Variants in HMGCLL1 observed in about 807,000 individuals in gnomAD.
HMGCLL1 encodes the protein 3-hydroxymethyl-3-methylglutaryl-CoA lyase, cytoplasmic.
In HMGCLL1, 36 loss-of-function variants were observed where a neutral mutation model predicts 39.1. The observed-to-expected ratio is 0.92, with a 90% confidence interval of 0.71 to 1.22. The LOEUF (loss-of-function observed/expected upper bound fraction) is 1.22, where lower values mean the gene tolerates loss of function less well. HMGCLL1 is among the 50% of genes most tolerant of loss of function. The pLI is 0.00. For synonymous variants in HMGCLL1, 149 were observed against 144.0 expected, an observed-to-expected ratio of 1.03 and a Z score of -0.25; for missense variants, 451 against 416.5, an observed-to-expected ratio of 1.08 and a Z score of -0.72.
the HMGCLL1 span, among the ~76,000 whole-genome samples, chr6:55,595,425 A>G: frequency 6.6e-6 from 1 of 152,222 alleles, no homozygotes; most frequent in Non-Finnish European, 1.5e-5. Context: ...ACATATATTT[A>G]TTACATTACC....
At chr6:55,493,084 A>G (rs1335549218) in intron 7 of HMGCLL1, among the ~76,000 whole-genome samples, 2 of 150,306 alleles carry the variant, frequency 1.3e-5, no homozygotes. Context: ...ATTACAATAT[A>G]TGTATATATT....
intron 1 of HMGCLL1, among the ~76,000 whole-genome samples, chr6:55,557,463 AC>A (rs1352076652): frequency 6.6e-6 from 1 of 151,894 alleles, no homozygotes; most frequent in East Asian, 1.9e-4. Context: ...CTGACCCCTC[AC>A]TTGGCTTCGC....
At chr6:55,631,126 A>T in the HMGCLL1 span, among the ~76,000 whole-genome samples, 4 of 152,002 alleles carry the variant, frequency 2.6e-5, no homozygotes, top group Non-Finnish European at 4.4e-5. Context: ...CTTGAATATT[A>T]ATACCTCTCT....
At chr6:55,627,859 A>AGTTAATACTTAC in the HMGCLL1 span, among the ~76,000 whole-genome samples, 68 of 90,088 alleles carry the variant, frequency 7.5e-4, 1 homozygote, top group African/African-American at 2.6e-3. Context: ...TGATCATGTA[A>AGTTAATACTTAC]GTTAATACTT....
intron 1 of HMGCLL1, among the ~76,000 whole-genome samples, chr6:55,568,690 G>T (rs1771330596): frequency 6.6e-6 from 1 of 152,102 alleles, no homozygotes; most frequent in Admixed American, 6.6e-5. Context: ...GCTTTAAGCA[G>T]GCTGGACAAT....
chr6:55,516,406 T>C (rs1225006911), intron 4 of HMGCLL1, 102 bp downstream of exon 4: 1 of 659,904 alleles, frequency 1.5e-6, no homozygotes, highest in Non-Finnish European at 2.6e-6. Flanking sequence ...AGCATAGTAT[T>C]TGTATTACAG....
the HMGCLL1 span, among the ~76,000 whole-genome samples, chr6:55,671,467 T>C: frequency 6.6e-6 from 1 of 151,954 alleles, no homozygotes; most frequent in South Asian, 2.1e-4. Context: ...ACAAGACTTT[T>C]TACATGAAGC....
At chr6:55,501,603 A>G (rs879625233) in intron 5 of HMGCLL1, among the ~76,000 whole-genome samples, 2 of 151,884 alleles carry the variant, frequency 1.3e-5, no homozygotes, top group African/African-American at 4.8e-5. Flanking sequence ...CCAACAATCT[A>G]TTACAGTGGT....
intron 7 of HMGCLL1, among the ~76,000 whole-genome samples, chr6:55,475,420 TA>T (rs751236461): frequency 6.6e-6 from 1 of 151,572 alleles, no homozygotes. Flanking sequence ...TTGTCAAAAT[TA>T]GGCAGTTAAG....
the HMGCLL1 span, among the ~76,000 whole-genome samples, chr6:55,651,003 G>A: frequency 6.6e-6 from 1 of 152,058 alleles, no homozygotes; most frequent in Admixed American, 6.6e-5. Flanking sequence ...TGGACTTGGG[G>A]ACCCTAAGAG....
the HMGCLL1 span, among the ~76,000 whole-genome samples, chr6:55,639,829 A>G: frequency 1.3e-5 from 2 of 152,086 alleles, no homozygotes; most frequent in Admixed American, 1.3e-4. Context: ...CTGTAATCCC[A>G]ACACTTTAGG....
intron 7 of HMGCLL1, among the ~76,000 whole-genome samples, chr6:55,492,387 G>C (rs1766360043): frequency 6.6e-6 from 1 of 152,132 alleles, no homozygotes; most frequent in African/African-American, 2.4e-5. Flanking sequence ...TTGGAAGAGG[G>C]GTAAGAAGAG....
chr6:55,539,090 T>C (rs1356561325), intron 3 of HMGCLL1, among the ~76,000 whole-genome samples: 1 of 152,058 alleles, frequency 6.6e-6, no homozygotes, highest in African/African-American at 2.4e-5. Flanking sequence ...ACAGGTAAAG[T>C]GCTATATGGA....
At chr6:55,520,810 T>C (rs1767998933) in intron 3 of HMGCLL1, among the ~76,000 whole-genome samples, 1 of 152,074 alleles carries the variant, frequency 6.6e-6, no homozygotes. Flanking sequence ...CCTCATGATT[T>C]GGTTAGTAAC....
At chr6:55,446,372 A>G (rs1763841187) in intron 7 of HMGCLL1, among the ~76,000 whole-genome samples, 1 of 150,994 alleles carries the variant, frequency 6.6e-6, no homozygotes, top group African/African-American at 2.4e-5. Context: ...CTAAGGACTG[A>G]GATGTCCTTG....
At chr6:55,526,146 C>T (rs1768308763) in intron 3 of HMGCLL1, among the ~76,000 whole-genome samples, 2 of 151,882 alleles carry the variant, frequency 1.3e-5, no homozygotes, top group Admixed American at 1.3e-4. Flanking sequence ...ACTCCAGACC[C>T]CTATTTTTTC....
chr6:55,461,858 A>C (rs902576956), intron 7 of HMGCLL1, among the ~76,000 whole-genome samples: 1 of 152,186 alleles, frequency 6.6e-6, no homozygotes, highest in African/African-American at 2.4e-5. Flanking sequence ...ACTCAATAGC[A>C]CCTTGCTAAT....
chr6:55,584,748 T>A, the HMGCLL1 span, among the ~76,000 whole-genome samples: 1 of 152,056 alleles, frequency 6.6e-6, no homozygotes, highest in South Asian at 2.1e-4. Context: ...CAGAAGCAAG[T>A]GAACCAATTG....
At chr6:55,535,212 G>A (rs540218617) in intron 3 of HMGCLL1, among the ~76,000 whole-genome samples, 5 of 152,204 alleles carry the variant, frequency 3.3e-5, no homozygotes, top group African/African-American at 9.6e-5. Context: ...GAAATTCAAC[G>A]TGTTTATATA....
Sources: allele counts gnomAD v4.1 joint callset (sites outside exome capture counted in the v4.1 genomes callset), GRCh38; gene constraint gnomAD v4.1.1; transcripts MANE v1.5; gene names NCBI Gene and HGNC (gene_info 2026-07-23, HGNC 2026-07-21).